The following TTLL5 variants were observed in gnomAD, a reference collection of about 807,000 sequenced individuals.
TTLL5 encodes tubulin tyrosine ligase like 5, also known as tubulin polyglutamylase TTLL5.
In TTLL5, 132 loss-of-function variants were observed where a neutral mutation model predicts 168.4. The observed-to-expected ratio is 0.78, with a 90% CI of 0.68 to 0.91. The LOEUF is 0.91. Among genes scored for constraint, TTLL5 ranks in the 40% least tolerant of loss-of-function variants. The probability of loss-of-function intolerance (pLI) is 0.00; values close to 1 mark genes in which losing one functional copy is unlikely to be tolerated. For synonymous variants in TTLL5, 546 were observed against 558.6 expected, an observed-to-expected ratio of 0.98 and a Z score of 0.32; for missense variants, 1,545 against 1,581.5, an observed-to-expected ratio of 0.98 and a Z score of 0.39.
chr14:75,761,884 G>A (rs1890671187), intron 18 of TTLL5, among the ~76,000 whole-genome samples: 2 of 152,126 alleles, frequency 1.3e-5, no homozygotes, highest in South Asian at 4.1e-4. Context: ...AGATAGTAAT[G>A]ATATGCATGT....
chr14:75,732,432 C>T lies in TTLL5; in HGVS notation c.1124+13C>T, dbSNP rs1347974220. ...CTTCTTTGGCCTGGTAAGTCAGTTC[C>T]ATCAACTAAAAAAGGACAAATCTTC... On this transcript the variant is annotated intron_variant, in intron 13 of 31. Coordinates refer to ENST00000298832, the MANE Select transcript of TTLL5 (RefSeq NM_015072.5). 1.2e-6 allele frequency: 2 copies of T among 1,610,440 alleles called. No individual in the cohort carries two copies. The highest frequency in any genetic ancestry group is 1.3e-5 in the African/African-American group (1 of 74,592).
At chr14:75,757,847 A>T in intron 18 of TTLL5, 1 of 1,593,066 alleles carries the variant, frequency 6.3e-7, no homozygotes, top group Non-Finnish European at 8.5e-7. Flanking sequence ...CCCAAGAAGA[A>T]GCTTATTGAC....
At chr14:75,927,194 C>T (rs2034102373) in intron 31 of TTLL5, among the ~76,000 whole-genome samples, 1 of 152,162 alleles carries the variant, frequency 6.6e-6, no homozygotes, top group South Asian at 2.1e-4. Flanking sequence ...GTGAAATAAG[C>T]ACATCATGGA....
chr14:75,936,794 G>A lies in TTLL5; in HGVS notation c.3824-17630G>A, dbSNP rs75853157. On this transcript the variant is annotated intron_variant, in intron 31 of 31. Coordinates refer to ENST00000298832, the MANE Select transcript of TTLL5 (RefSeq NM_015072.5). ...GATGTGGAATTAACATTTGTAGCCT[G>A]GCAGTAATAGCTTGGTTGGAATAGA... is the stretch of plus-strand genomic sequence containing the variant. Among the ~76,000 whole-genome samples, 11 of 152,278 alleles carry A rather than the reference G, an allele frequency of 7.2e-5. No individual in the cohort carries two copies. In the East Asian group the frequency reaches 1.9e-3, roughly 27 times the overall value.
At chr14:75,745,678 TTTC>T in intron 17 of TTLL5, 97 bp downstream of exon 17, 1 of 938,428 alleles carries the variant, frequency 1.1e-6, no homozygotes. Flanking sequence ...CGATGATGCT[TTTC>T]TTATTTTGTT....
chr14:75,921,821 A>G (rs966464371), intron 31 of TTLL5, among the ~76,000 whole-genome samples: 18 of 152,196 alleles, frequency 1.2e-4, no homozygotes, highest in Non-Finnish European at 2.2e-4. Context: ...CTTGGGCAAT[A>G]TGGCCATTTT....
intron 3 of TTLL5, among the ~76,000 whole-genome samples, chr14:75,678,701 T>C (rs981708507): frequency 6.6e-6 from 1 of 151,470 alleles, no homozygotes; most frequent in Non-Finnish European, 1.5e-5. Context: ...TTTTTAAAAA[T>C]CTGCAGGAAT....
intron 13 of TTLL5, among the ~76,000 whole-genome samples, chr14:75,733,299 A>G (rs1888661055): frequency 6.6e-6 from 1 of 152,196 alleles, no homozygotes; most frequent in African/African-American, 2.4e-5. Flanking sequence ...GGCACTGAGT[A>G]TAGCGGCCAG....
At chr14:75,663,335 T>A in intron 2 of TTLL5, 112 bp downstream of exon 2, 1 of 1,041,658 alleles carries the variant, frequency 9.6e-7, no homozygotes, top group Non-Finnish European at 1.4e-6. Flanking sequence ...CTCTTTTATC[T>A]AGTGTCATTC....
chr14:75,672,282 T>C (rs563283091), intron 3 of TTLL5, among the ~76,000 whole-genome samples: 1 of 152,346 alleles, frequency 6.6e-6, no homozygotes, highest in East Asian at 1.9e-4. Context: ...AGTCTCGCTC[T>C]GTCACCCAGG....
chr14:75,818,235 A>G (rs1414942623), intron 27 of TTLL5, among the ~76,000 whole-genome samples: 1 of 152,192 alleles, frequency 6.6e-6, no homozygotes, highest in African/African-American at 2.4e-5. Context: ...TATAAAAGGT[A>G]ATACATGCTC....
At chr14:75,811,920 G>A (rs1472588493) in intron 27 of TTLL5, among the ~76,000 whole-genome samples, 1 of 152,054 alleles carries the variant, frequency 6.6e-6, no homozygotes, top group South Asian at 2.1e-4. Context: ...CACTTGGGCG[G>A]GCCAGCCACC....
At chr14:75,763,251 C>CTGTGTGTGTG (rs1308717196) in intron 18 of TTLL5, among the ~76,000 whole-genome samples, 387 of 33,898 alleles carry the variant, frequency 0.011, no homozygotes, top group African/African-American at 0.021. Flanking sequence ...CTATAGCTCT[C>CTGTGTGTGTG]TCTCTGTGTG....
chr14:75,831,140 G>T (rs1016458229), intron 28 of TTLL5, among the ~76,000 whole-genome samples: 2 of 152,218 alleles, frequency 1.3e-5, no homozygotes, highest in Admixed American at 6.5e-5. Flanking sequence ...TGACCCAGAA[G>T]ATGTAATAAA....
At chr14:75,860,080 C>T (rs539908286) in intron 28 of TTLL5, among the ~76,000 whole-genome samples, 1 of 152,338 alleles carries the variant, frequency 6.6e-6, no homozygotes, top group South Asian at 2.1e-4. Context: ...GCTTATGTTA[C>T]TGAGGAGATT....
chr14:75,705,876 A>G (rs1274315454), intron 7 of TTLL5, among the ~76,000 whole-genome samples: 3 of 150,512 alleles, frequency 2.0e-5, no homozygotes, highest in Non-Finnish European at 3.0e-5. Flanking sequence ...TCTCCCAGAT[A>G]TTTTAATCTT....
intron 5 of TTLL5, among the ~76,000 whole-genome samples, chr14:75,688,487 G>A (rs1446973960): frequency 6.6e-6 from 1 of 152,114 alleles, no homozygotes; most frequent in African/African-American, 2.4e-5. Context: ...AAACATAAAT[G>A]TTTCTCTGAG....
At chr14:75,733,700 G>C (rs1888700567) in intron 13 of TTLL5, among the ~76,000 whole-genome samples, 1 of 152,056 alleles carries the variant, frequency 6.6e-6, no homozygotes, top group African/African-American at 2.4e-5. Context: ...TTCTTGACTT[G>C]TGCAAATTTT....
rs199507575 is a variant in TTLL5 at position 75,783,429 on chromosome 14, G to C, written c.2885G>C (p.Arg962Pro). Residue 962 changes from arginine to proline, a missense_variant, in exon 26 of 32, where the codon CGC (arginine) becomes CCC (proline). Arg to Pro is a moderately radical substitution (Grantham distance 103). Coordinates refer to ENST00000298832, the MANE Select transcript of TTLL5 (RefSeq NM_015072.5). ...QNIPSPTGLPRCRSGSHTIGP... is the reference protein window; with the variant it reads ...QNIPSPTGLPPCRSGSHTIGP... ...ATCCCAAGCCCTACTGGCCTGCCAC[G>C]CTGTCGATCAGGAAGTCACACCATT... The C allele has an allele frequency of 1.2e-6, 2 of 1,614,156 alleles. No individual in the cohort carries two copies. Among genetic ancestry groups the C allele is most frequent in the Non-Finnish European group, 8.5e-7 (1 of 1,180,024 alleles).
Sources: gnomAD v4.1 joint callset for allele counts (sites outside exome capture counted in the v4.1 genomes callset) on GRCh38, gnomAD v4.1.1 for gene constraint, MANE v1.5 for transcripts, NCBI Gene and HGNC (gene_info 2026-07-23, HGNC 2026-07-21) for gene names.